Variants in OSBPL3 observed in about 807,000 individuals in gnomAD.
OSBPL3 encodes the protein oxysterol binding protein like 3.
In OSBPL3, 65 loss-of-function variants were observed where a neutral mutation model predicts 120.1. The ratio of observed to expected loss-of-function variants is 0.54; its 90% confidence interval spans 0.44 to 0.67. The LOEUF (loss-of-function observed/expected upper bound fraction) is 0.67. Ranked by LOEUF, OSBPL3 falls within the 30% of genes least tolerant of loss-of-function variation. The pLI is 0.00. For missense variants in OSBPL3, 1,004 were observed against 1,082.1 expected (o/e 0.93, Z 1.01); for synonymous variants, 416 against 402.6 (o/e 1.03, Z -0.40).
chr7:24,800,417 A>G, intron 22 of OSBPL3, 138 bp from the exon 23 acceptor site: 1 of 495,528 alleles, frequency 2.0e-6, no homozygotes, highest in South Asian at 2.9e-5. Flanking sequence ...GGGACCGGGA[A>G]TTCTGGGAAT....
At chr7:24,911,871 C>T (rs1808871740) in intron 1 of OSBPL3, among the ~76,000 whole-genome samples, 1 of 152,124 alleles carries the variant, frequency 6.6e-6, no homozygotes, top group Non-Finnish European at 1.5e-5. Context: ...AAGGAAAAGG[C>T]AGAGTAAACA....
At chr7:24,927,508 A>C (rs1811209728) in intron 1 of OSBPL3, among the ~76,000 whole-genome samples, 1 of 152,188 alleles carries the variant, frequency 6.6e-6, no homozygotes, top group East Asian at 1.9e-4. Context: ...TTTGGTGACT[A>C]AAGAAGAATT....
chr7:24,909,792 T>C (rs1466166284), intron 1 of OSBPL3, among the ~76,000 whole-genome samples: 3 of 135,784 alleles, frequency 2.2e-5, no homozygotes, highest in African/African-American at 8.6e-5. Flanking sequence ...TCTTTTTTTT[T>C]TTTTTTTTTT....
At chr7:24,979,723 G>A (rs1321972941) in intron 1 of OSBPL3, among the ~76,000 whole-genome samples, 163 bp downstream of exon 1, 1 of 151,910 alleles carries the variant, frequency 6.6e-6, no homozygotes, top group African/African-American at 2.4e-5. Context: ...CAAGCTCCCA[G>A]GCTTGGGTCT....
At position 24,849,246 on chromosome 7, in the gene OSBPL3, T is replaced by C. The variant is rs1240259326; in HGVS notation, c.1159-70A>G. The C allele has an allele frequency of 1.1e-5, 12 of 1,064,312 alleles. No homozygotes were observed. The highest frequency in any genetic ancestry group is 7.9e-5 in the African/African-American group (5 of 63,428). The allele number at this position is 1,064,312 out of a possible 1,614,324, so 65.9% of individuals were successfully genotyped here. On this transcript the variant is annotated intron_variant, in intron 11 of 22. Transcript: ENST00000313367. This position sits in a 1 kb window ranked among gnomAD's most constrained non-coding sequence, Gnocchi z 5.4. ...TTCAGAAAAGCACAGCAGTGGGCCC[T>C]GCAGGAGCGATCTCTAAGAGCTTGA...
intron 2 of OSBPL3, among the ~76,000 whole-genome samples, chr7:24,875,578 G>A (rs989859826): frequency 1.3e-5 from 2 of 152,054 alleles, no homozygotes; most frequent in Non-Finnish European, 2.9e-5. Context: ...GGACATAGTG[G>A]CTCATGCCTA....
intron 1 of OSBPL3, among the ~76,000 whole-genome samples, chr7:24,895,047 G>A (rs1240226352): frequency 6.6e-6 from 1 of 152,180 alleles, no homozygotes; most frequent in Non-Finnish European, 1.5e-5. Flanking sequence ...CCAGCCACAA[G>A]GTGGAGTTTT....
At chr7:24,920,283 C>T (rs1477248090) in intron 1 of OSBPL3, among the ~76,000 whole-genome samples, 1 of 151,954 alleles carries the variant, frequency 6.6e-6, no homozygotes, top group African/African-American at 2.4e-5. Flanking sequence ...GTAGAATATC[C>T]ACACAATATT....
At chr7:24,897,531 T>C (rs1006761943) in intron 1 of OSBPL3, among the ~76,000 whole-genome samples, 1 of 151,804 alleles carries the variant, frequency 6.6e-6, no homozygotes, top group African/African-American at 2.4e-5. Flanking sequence ...TTCACCGTGT[T>C]AGCCAGGATG....
chr7:24,803,433 A>G lies in OSBPL3; in HGVS notation c.2567+882T>C, dbSNP rs1267300189. Among the ~76,000 whole-genome samples the G allele has an allele frequency of 1.3e-5, 2 of 152,160 alleles. No individual in the cohort carries two copies. The highest frequency in any genetic ancestry group is 2.9e-5 in the Non-Finnish European group (2 of 68,014). On this transcript the variant is annotated intron_variant, in intron 22 of 22. Coordinates refer to ENST00000313367, the MANE Select transcript of OSBPL3 (RefSeq NM_015550.4). The surrounding 1 kb of genome is among the most constrained non-coding windows in gnomAD (Gnocchi z 4.2). ...CTTGAGCTTTCTCTTCTACTCAGTTATAGGAGGAGATGGGGAGGTGAAGGG... is the reference window on the plus strand; with the variant it reads ...CTTGAGCTTTCTCTTCTACTCAGTTGTAGGAGGAGATGGGGAGGTGAAGGG...
rs1817108062 is a variant in OSBPL3 at position 24,972,243 on chromosome 7, T to A, written c.-150+7643A>T. Among the ~76,000 whole-genome samples, 1 of 152,196 alleles carries A rather than the reference T, an allele frequency of 6.6e-6. No individual in the cohort carries two copies. Among genetic ancestry groups the A allele is most frequent in the African/African-American group, 2.4e-5 (1 of 41,444 alleles). ...CAAAACCTCAAATCAAAAGAGGAGT[T>A]AAGGCCTCCTCCCACTCAGTTCTAC... On this transcript the variant is annotated intron_variant, in intron 1 of 22. Coordinates refer to ENST00000313367, the MANE Select transcript of OSBPL3 (RefSeq NM_015550.4). The surrounding 1 kb of genome is among the most constrained non-coding windows in gnomAD (Gnocchi z 4.3).
intron 6 of OSBPL3, 47 bp from the exon 7 acceptor site, chr7:24,865,512 A>C: frequency 1.3e-6 from 2 of 1,594,464 alleles, no homozygotes; most frequent in Non-Finnish European, 8.6e-7. Flanking sequence ...AACAGAGCCC[A>C]TTGGGGACAT....
intron 1 of OSBPL3, among the ~76,000 whole-genome samples, chr7:24,971,251 G>C (rs754992337): frequency 6.6e-6 from 1 of 152,240 alleles, no homozygotes; most frequent in Non-Finnish European, 1.5e-5. Flanking sequence ...TGCTGTGTGC[G>C]TGATCATAGG....
In OSBPL3 at chr7:24,804,388, T is replaced by A; in HGVS notation, c.2494A>T (p.Ile832Phe). The change falls in exon 22 of 23, where the codon ATT becomes TTT. Residue 832 changes from isoleucine (I) to phenylalanine (F), a missense_variant. Transcript: ENST00000313367. The surrounding 1 kb of genome is among the most constrained non-coding windows in gnomAD (Gnocchi z 5.4). ...LEEAEIQKQR[I>F]EQLQRERRRV... ...CGCCTTTCTCTCTGCAGTTGTTCAA[T>A]CCTCTGCTTTTGTATTTCAGCTTCT... The A allele has an allele frequency of 6.2e-7, 1 of 1,613,900 alleles. No individual in the cohort carries two copies. Among genetic ancestry groups the A allele is most frequent in the Non-Finnish European group, 8.5e-7 (1 of 1,179,824 alleles).
intron 1 of OSBPL3, among the ~76,000 whole-genome samples, chr7:24,897,723 C>G (rs551498459): frequency 6.6e-6 from 1 of 152,342 alleles, no homozygotes; most frequent in South Asian, 2.1e-4. Flanking sequence ...AGCATTAAAG[C>G]AGTGTGCTTA....
chr7:24,940,211 A>G lies in OSBPL3; in HGVS notation c.-150+39675T>C, dbSNP rs1812918375. On this transcript the variant is annotated intron_variant, in intron 1 of 22. Coordinates refer to ENST00000313367, the MANE Select transcript of OSBPL3 (RefSeq NM_015550.4). The surrounding 1 kb of genome is among the most constrained non-coding windows in gnomAD (Gnocchi z 4.4). ...TTTGGATCTGAAAATATATTTTCAG[A>G]TCAAAAGCTTCTGTTAATATTAAAA... 6.6e-6 allele frequency among the ~76,000 whole-genome samples: 1 copy of G among 152,226 alleles called. No individual in the cohort carries two copies. Among genetic ancestry groups the G allele is most frequent in the African/African-American group, 2.4e-5 (1 of 41,460 alleles).
Position 24,879,269 on chromosome 7 carries a change from C to T in OSBPL3, c.97-7200G>A, listed in dbSNP as rs1803298580. Among the ~76,000 whole-genome samples, 1 of 152,172 alleles carries T rather than the reference C, an allele frequency of 6.6e-6. No homozygotes were observed. The highest frequency in any genetic ancestry group is 2.4e-5 in the African/African-American group (1 of 41,446). On this transcript the variant is annotated intron_variant, in intron 2 of 22. Coordinates refer to ENST00000313367, the MANE Select transcript of OSBPL3 (RefSeq NM_015550.4). The surrounding 1 kb of genome is among the most constrained non-coding windows in gnomAD (Gnocchi z 5.6). Reference sequence around the variant, plus strand: ...TACTAAACAGCAGCATTTGCATTAGCTCTATAACCTCAAGTACAATCCCTG... The same window carrying T: ...TACTAAACAGCAGCATTTGCATTAGTTCTATAACCTCAAGTACAATCCCTG...
intron 12 of OSBPL3, among the ~76,000 whole-genome samples, chr7:24,844,995 T>A (rs1798230726): frequency 6.6e-6 from 1 of 152,194 alleles, no homozygotes; most frequent in South Asian, 2.1e-4. Flanking sequence ...CACAGAGTAA[T>A]AATAAAATTA....
intron 2 of OSBPL3, among the ~76,000 whole-genome samples, chr7:24,885,306 A>T (rs1454869832): frequency 6.6e-6 from 1 of 151,882 alleles, no homozygotes; most frequent in Non-Finnish European, 1.5e-5. Context: ...CCTGGACATT[A>T]TTAAAGTGTT....
Sources: allele counts gnomAD v4.1 joint callset (sites outside exome capture counted in the v4.1 genomes callset), GRCh38; gene constraint gnomAD v4.1.1; non-coding constraint Gnocchi (gnomAD v3.1); transcripts MANE v1.5; gene names NCBI Gene and HGNC (gene_info 2026-07-23, HGNC 2026-07-21).